Variants in CNTNAP2 observed in about 807,000 individuals in gnomAD.
The protein encoded by CNTNAP2 is contactin associated protein 2, also known as contactin-associated protein-like 2.
A neutral mutation model predicts 155.2 loss-of-function variants in CNTNAP2; 98 were observed. The ratio of observed to expected loss-of-function variants is 0.63; its 90% CI spans 0.54 to 0.75. The LOEUF (loss-of-function observed/expected upper bound fraction) is 0.75, where lower values mean the gene tolerates loss of function less well. CNTNAP2 is among the 30% of genes least tolerant of loss of function. The pLI, the probability that CNTNAP2 is intolerant of heterozygous loss-of-function variation, is 0.00. For missense variants in CNTNAP2, 1,727 were observed against 1,688.1 expected (o/e 1.02, Z -0.40); for synonymous variants, 651 against 631.2 (o/e 1.03, Z -0.47).
chr7:147,745,165 C>T (rs1348224046), intron 13 of CNTNAP2, among the ~76,000 whole-genome samples: 8 of 152,170 alleles, frequency 5.3e-5, no homozygotes, highest in Admixed American at 3.9e-4. Flanking sequence ...AAATCAATTT[C>T]TCAAGTCATT....
In CNTNAP2 at chr7:147,594,125, C is replaced by CTTTT. The variant is rs397827040; in HGVS notation, c.1897+31884_1897+31887dup. ...GAGGATTTGCCACCCTCTGGTGTCT[C>CTTTT]TTTTTTTTTTTTTTTTTTTGAGATG... On this transcript the variant is annotated intron_variant, in intron 12 of 23. Coordinates refer to ENST00000361727, the MANE Select transcript of CNTNAP2 (RefSeq NM_014141.6). Among the ~76,000 whole-genome samples the CTTTT allele has an allele frequency of 4.4e-4, 53 of 120,026 alleles. 1 individual carries two copies. Among genetic ancestry groups the CTTTT allele is most frequent in the East Asian group, 7.5e-4 (3 of 3,988 alleles). The allele number at this position is 120,026 out of a possible 152,430, so 78.7% of individuals were successfully genotyped here.
chr7:147,877,201 G>A (rs1438250278), intron 13 of CNTNAP2, among the ~76,000 whole-genome samples: 1 of 152,158 alleles, frequency 6.6e-6, no homozygotes, highest in African/African-American at 2.4e-5. Flanking sequence ...ATAGTCTATG[G>A]AATTGTATTA....
At position 147,144,043 on chromosome 7, in the gene CNTNAP2, A is replaced by G. The variant is rs116217761; in HGVS notation, c.1348+11534A>G. Reference sequence around the variant, plus strand: ...TAACTCCAGGGAAAAACAAGAGAATAAATTTTTTTTGTACCTTCTACTTGA... The same window carrying G: ...TAACTCCAGGGAAAAACAAGAGAATGAATTTTTTTTGTACCTTCTACTTGA... On this transcript the variant is annotated intron_variant, in intron 8 of 23. Transcript: ENST00000361727. Among the ~76,000 whole-genome samples the G allele has an allele frequency of 3.2e-3, 491 of 152,294 alleles. 6 individuals are homozygous for G. Among genetic ancestry groups the G allele is most frequent in the African/African-American group, 0.011 (440 of 41,580 alleles).
intron 17 of CNTNAP2, among the ~76,000 whole-genome samples, chr7:148,168,487 T>C (rs1213993018): frequency 4.8e-5 from 7 of 145,484 alleles, no homozygotes; most frequent in Non-Finnish European, 8.9e-5. Flanking sequence ...CCGCATGTTC[T>C]CACTCATAGG....
intron 2 of CNTNAP2, among the ~76,000 whole-genome samples, chr7:146,779,611 A>G (rs1228909390): frequency 3.3e-5 from 5 of 152,180 alleles, no homozygotes; most frequent in Non-Finnish European, 7.3e-5. Context: ...GTAGATCCTG[A>G]ATAATTTTCT....
intron 12 of CNTNAP2, among the ~76,000 whole-genome samples, chr7:147,598,066 A>G (rs1039745756): frequency 2.6e-5 from 4 of 152,192 alleles, no homozygotes; most frequent in East Asian, 1.9e-4. Flanking sequence ...TAGAAAAACA[A>G]AAGTCCAGAG....
At chr7:148,182,446 A>G (rs954761292) in intron 18 of CNTNAP2, among the ~76,000 whole-genome samples, 2 of 148,750 alleles carry the variant, frequency 1.3e-5, no homozygotes, top group African/African-American at 4.9e-5. Flanking sequence ...CTGACATGCA[A>G]TTTCTTCACT....
chr7:146,640,107 CAAG>C (rs1466047602), intron 1 of CNTNAP2, among the ~76,000 whole-genome samples: 2 of 152,176 alleles, frequency 1.3e-5, no homozygotes, highest in Non-Finnish European at 2.9e-5. Flanking sequence ...GGAGAAGAAA[CAAG>C]AAAGCTATAA....
intron 1 of CNTNAP2, among the ~76,000 whole-genome samples, chr7:146,622,807 A>G (rs1473036472): frequency 6.6e-6 from 1 of 152,006 alleles, no homozygotes; most frequent in African/African-American, 2.4e-5. Context: ...AATTACAAAA[A>G]TTAGCCGGGC....
intron 21 of CNTNAP2, among the ~76,000 whole-genome samples, chr7:148,348,359 C>T (rs919267020): frequency 6.6e-6 from 1 of 152,174 alleles, no homozygotes; most frequent in African/African-American, 2.4e-5. Context: ...AGATAGTTTC[C>T]TGCATTATTA....
intron 1 of CNTNAP2, among the ~76,000 whole-genome samples, chr7:146,423,840 A>G (rs561073893): frequency 7.9e-5 from 12 of 152,350 alleles, no homozygotes; most frequent in Admixed American, 6.5e-5. Flanking sequence ...ATTATACAAT[A>G]TAAGAAGATA....
At chr7:147,490,783 G>T (rs6956932) in intron 11 of CNTNAP2, among the ~76,000 whole-genome samples, 43,392 of 151,988 alleles carry the variant, frequency 0.29, 6,323 homozygotes, top group East Asian at 0.43. Context: ...AGAAAGAAAA[G>T]GGGTTTGACT....
At chr7:147,277,702 C>T (rs1394486575) in intron 8 of CNTNAP2, among the ~76,000 whole-genome samples, 1 of 151,718 alleles carries the variant, frequency 6.6e-6, no homozygotes, top group Admixed American at 6.6e-5. Flanking sequence ...CTGCTATATT[C>T]ATCCTCCCAA....
intron 5 of CNTNAP2, among the ~76,000 whole-genome samples, chr7:147,117,386 G>A (rs971787138): frequency 6.6e-6 from 1 of 152,152 alleles, no homozygotes; most frequent in African/African-American, 2.4e-5. Context: ...TCCCTTGGCA[G>A]GGGTTGGGGG....
At chr7:146,134,767 A>G (rs1259981590) in intron 1 of CNTNAP2, among the ~76,000 whole-genome samples, 6 of 151,340 alleles carry the variant, frequency 4.0e-5, no homozygotes, top group Admixed American at 6.6e-5. Context: ...AAGCCCACTT[A>G]ATCATGGTGG....
chr7:147,118,358 A>G (rs1231949692), intron 5 of CNTNAP2, among the ~76,000 whole-genome samples: 1 of 152,232 alleles, frequency 6.6e-6, no homozygotes, highest in Non-Finnish European at 1.5e-5. Context: ...AATTTGCAAC[A>G]TTAATTACAA....
chr7:147,453,002 A>C (rs2116572125), intron 10 of CNTNAP2, among the ~76,000 whole-genome samples: 1 of 152,056 alleles, frequency 6.6e-6, no homozygotes, highest in East Asian at 1.9e-4. Context: ...ACAGAAAGGG[A>C]GAAAGGAAGA....
In CNTNAP2 at chr7:146,986,133, G is replaced by A. The variant is rs180786828; in HGVS notation, c.403-57774G>A. On this transcript the variant is annotated intron_variant, in intron 3 of 23. Transcript: ENST00000361727. Reference sequence around the variant, plus strand: ...TAGTATACACTGTACTCAATATGTCGTCTTTTATCCCTCACCCCTCTCCCA... The same window carrying A: ...TAGTATACACTGTACTCAATATGTCATCTTTTATCCCTCACCCCTCTCCCA... 4.9e-4 allele frequency among the ~76,000 whole-genome samples: 75 copies of A among 152,044 alleles called. 1 individual carries two copies. Among genetic ancestry groups the A allele is most frequent in the South Asian group, 4.4e-3 (21 of 4,814 alleles).
At chr7:147,371,508 CT>C (rs779160411) in intron 9 of CNTNAP2, among the ~76,000 whole-genome samples, 1 of 152,138 alleles carries the variant, frequency 6.6e-6, no homozygotes, top group Non-Finnish European at 1.5e-5. Flanking sequence ...TTTTTATATG[CT>C]TTGAAATTCA....
Sources: allele counts gnomAD v4.1 joint callset (sites outside exome capture counted in the v4.1 genomes callset), GRCh38; gene constraint gnomAD v4.1.1; transcripts MANE v1.5; gene names NCBI Gene and HGNC (gene_info 2026-07-23, HGNC 2026-07-21).